Variants in SRGAP1 observed in about 807,000 individuals in gnomAD.
SRGAP1 encodes the protein SLIT-ROBO Rho GTPase-activating protein 1.
Under a neutral mutation model 121.9 loss-of-function variants are expected in SRGAP1, and 43 were observed. That is an observed-to-expected ratio of 0.35 (90% CI 0.28 to 0.46). The LOEUF (loss-of-function observed/expected upper bound fraction) is 0.46. Ranked by LOEUF, SRGAP1 falls within the 20% of genes least tolerant of loss-of-function variation. SRGAP1 has a pLI of 1.00. For synonymous variants in SRGAP1, 447 were observed against 485.4 expected, an observed-to-expected ratio of 0.92 and a Z score of 1.04; for missense variants, 1,102 against 1,350.9, an observed-to-expected ratio of 0.82 and a Z score of 2.89.
intron 6 of SRGAP1, among the ~76,000 whole-genome samples, chr12:64,055,597 C>G (rs1337529000): frequency 6.6e-6 from 1 of 151,774 alleles, no homozygotes; most frequent in Non-Finnish European, 1.5e-5. Flanking sequence ...TACCTGACTT[C>G]AAACTATACT....
At chr12:63,848,817 C>G (rs1360781550) in intron 1 of SRGAP1, among the ~76,000 whole-genome samples, 1 of 152,124 alleles carries the variant, frequency 6.6e-6, no homozygotes, top group Non-Finnish European at 1.5e-5. Flanking sequence ...GTTGGCTGCT[C>G]TGTTTTGTGG....
intron 1 of SRGAP1, among the ~76,000 whole-genome samples, chr12:63,851,600 T>TC (rs943619737): frequency 5.3e-5 from 8 of 151,486 alleles, no homozygotes; most frequent in Non-Finnish European, 1.2e-4. Context: ...TCTTTTTTTT[T>TC]TTTTTTAGAC....
intron 15 of SRGAP1, among the ~76,000 whole-genome samples, chr12:64,103,275 C>G (rs545562702): frequency 6.6e-5 from 10 of 152,318 alleles, no homozygotes; most frequent in African/African-American, 2.4e-4. Flanking sequence ...GCCACTGTGC[C>G]CGGCCAAGCT....
At chr12:64,086,042 C>T (rs2035931288) in intron 10 of SRGAP1, among the ~76,000 whole-genome samples, 1 of 152,222 alleles carries the variant, frequency 6.6e-6, no homozygotes, top group African/African-American at 2.4e-5. Context: ...TCACCATTCC[C>T]AACAAGCCAG....
intron 1 of SRGAP1, among the ~76,000 whole-genome samples, chr12:63,949,844 T>C (rs946188767): frequency 6.6e-6 from 1 of 152,218 alleles, no homozygotes. Context: ...ATCCAATTAA[T>C]GATTCTTTGG....
intron 1 of SRGAP1, chr12:63,887,770 T>A (rs565903856): frequency 6.6e-6 from 1 of 152,350 alleles, no homozygotes; most frequent in South Asian, 2.1e-4. Flanking sequence ...AATTGTTCCT[T>A]CCACCCTTTC....
chr12:63,857,731 AT>A (rs1899305131), intron 1 of SRGAP1, among the ~76,000 whole-genome samples: 1 of 152,156 alleles, frequency 6.6e-6, no homozygotes, highest in African/African-American at 2.4e-5. Flanking sequence ...ATTTCAAAGA[AT>A]TTTTTCCCTT....
At chr12:63,999,246 T>C (rs1324652565) in intron 3 of SRGAP1, among the ~76,000 whole-genome samples, 1 of 152,018 alleles carries the variant, frequency 6.6e-6, no homozygotes, top group Non-Finnish European at 1.5e-5. Context: ...GCAAGAGAGA[T>C]GATTGGAGAA....
intron 1 of SRGAP1, among the ~76,000 whole-genome samples, chr12:63,863,597 T>G (rs894821736): frequency 1.3e-5 from 2 of 152,174 alleles, no homozygotes; most frequent in East Asian, 1.9e-4. Context: ...TTAATTGAAC[T>G]TCTGTTGCAC....
intron 1 of SRGAP1, among the ~76,000 whole-genome samples, chr12:63,893,103 C>T (rs1273597121): frequency 6.6e-6 from 1 of 152,174 alleles, no homozygotes; most frequent in African/African-American, 2.4e-5. Context: ...CAATCTTTTG[C>T]TGCTATAGTT....
In SRGAP1 at chr12:63,984,977, C is replaced by A. The variant is rs1246772101; in HGVS notation, c.263+835C>A. Among the ~76,000 whole-genome samples, 28 of 146,902 alleles carry A rather than the reference C, an allele frequency of 1.9e-4. No homozygotes were observed. In the Admixed American group the frequency reaches 1.9e-3, roughly 10 times the overall value. ...GTTGCAGTGAGCTGAGATTGCAACA[C>A]TGCACTCCAGGCTGGGCAATAGAGT... On this transcript the variant is annotated intron_variant, in intron 2 of 21. Transcript: ENST00000355086.
At chr12:63,933,467 A>G (rs74099378) in intron 1 of SRGAP1, among the ~76,000 whole-genome samples, 2,852 of 152,274 alleles carry the variant, frequency 0.019, 87 homozygotes, top group African/African-American at 0.065. Context: ...ATTAATGTCT[A>G]TGAACCCAGA....
chr12:63,909,967 G>C (rs1481810963), intron 1 of SRGAP1, among the ~76,000 whole-genome samples: 1 of 152,170 alleles, frequency 6.6e-6, no homozygotes, highest in African/African-American at 2.4e-5. Context: ...AAGTCAACCC[G>C]TTATAGATGT....
chr12:63,903,304 C>G (rs543429424), intron 1 of SRGAP1, among the ~76,000 whole-genome samples: 1 of 152,030 alleles, frequency 6.6e-6, no homozygotes, highest in Admixed American at 6.5e-5. Context: ...CCTCCAGCTC[C>G]TGGGTTCAGG....
chr12:64,033,236 C>T (rs1443252053), intron 4 of SRGAP1, among the ~76,000 whole-genome samples: 3 of 151,932 alleles, frequency 2.0e-5, no homozygotes, highest in Admixed American at 2.0e-4. Flanking sequence ...GTGCAGAGTC[C>T]CAGACAGTGT....
Position 64,067,034 on chromosome 12 carries a change from G to GA in SRGAP1, c.1125+1825dup, listed in dbSNP as rs11357801. 8.0e-5 allele frequency among the ~76,000 whole-genome samples: 12 copies of GA among 149,486 alleles called. No individual in the cohort carries two copies. In the South Asian group the frequency reaches 8.5e-4, roughly 11 times the overall value. ...AGTTTTGACCTGTTTTTTTTTAAAA[G>GA]AAAAAAAAAAGGTCTGGCCACTCTG... is the stretch of plus-strand genomic sequence containing the variant. On this transcript the variant is annotated intron_variant, in intron 8 of 21. Transcript: ENST00000355086.
intron 3 of SRGAP1, 119 bp from the exon 4 acceptor site, chr12:64,016,831 G>GT: frequency 1.7e-6 from 1 of 574,210 alleles, no homozygotes. Flanking sequence ...CGTTAAAGAT[G>GT]TTTACTACAG....
rs573469959 is a variant in SRGAP1 at position 63,861,680 on chromosome 12, C to G, written c.67+16797C>G. 3.3e-5 allele frequency among the ~76,000 whole-genome samples: 5 copies of G among 152,186 alleles called. No individual in the cohort carries two copies. In the South Asian group the frequency reaches 1.0e-3, roughly 32 times the overall value. Reference sequence around the variant, plus strand: ...TTCCATGATTATTATTTCTGTGACTCATGACCTGTTTAAAAATATGTTTTA... The same window carrying G: ...TTCCATGATTATTATTTCTGTGACTGATGACCTGTTTAAAAATATGTTTTA... On this transcript the variant is annotated intron_variant, in intron 1 of 21. Transcript: ENST00000355086.
At chr12:63,868,056 A>ATATATATATATATATATATTTTTT (rs1565927621) in intron 1 of SRGAP1, among the ~76,000 whole-genome samples, 1 of 57,866 alleles carries the variant, frequency 1.7e-5, no homozygotes, top group African/African-American at 5.9e-5. Context: ...ATATATATAT[A>ATATATATATATATATATATTTTTT]TTTTTTTTTT....
Sources: allele counts gnomAD v4.1 joint callset (sites outside exome capture counted in the v4.1 genomes callset), GRCh38; gene constraint gnomAD v4.1.1; transcripts MANE v1.5; gene names NCBI Gene and HGNC (gene_info 2026-07-23, HGNC 2026-07-21).